The following GEMIN5 variants were observed in gnomAD, a reference collection of about 807,000 sequenced individuals.
GEMIN5 encodes gem-associated protein 5.
Under a neutral mutation model 176.9 loss-of-function variants are expected in GEMIN5, and 124 were observed. The ratio of observed to expected loss-of-function variants is 0.70; its 90% CI spans 0.61 to 0.81. The LOEUF is 0.81. Ranked by LOEUF, GEMIN5 falls within the 40% of genes least tolerant of loss-of-function variation. The pLI is 0.00. For synonymous variants in GEMIN5, 673 were observed against 665.2 expected, an observed-to-expected ratio of 1.01 and a Z score of -0.18; for missense variants, 1,843 against 1,814.6, an observed-to-expected ratio of 1.02 and a Z score of -0.28.
intron 5 of GEMIN5, among the ~76,000 whole-genome samples, chr5:154,930,502 T>C (rs1475254204): frequency 3.3e-5 from 5 of 152,234 alleles, no homozygotes; most frequent in African/African-American, 1.2e-4. Context: ...TGGAATATTA[T>C]TCAGCCTTAG....
At chr5:154,893,316 G>A (rs1401124888) in intron 24 of GEMIN5, among the ~76,000 whole-genome samples, 1 of 145,442 alleles carries the variant, frequency 6.9e-6, no homozygotes, top group African/African-American at 2.6e-5. Context: ...TGTAATCCCA[G>A]CTACTTGGGA....
rs1232905688 is a variant in GEMIN5, at chr5:154,896,313, G to C, written c.3376C>G (p.Leu1126Val). The C allele has an allele frequency of 6.3e-7, 1 of 1,593,902 alleles. No homozygotes were observed. Among genetic ancestry groups the C allele is most frequent in the Non-Finnish European group, 8.5e-7 (1 of 1,171,636 alleles). ...TTTTCCTCCAGATGCCTGGACAGTAGCTCCAGAAGGCAAAACACCAATCTC... is the reference window on the plus strand; with the variant it reads ...TTTTCCTCCAGATGCCTGGACAGTACCTCCAGAAGGCAAAACACCAATCTC... ...GQRLVFCLLE[L>V]LSRHLEEKQL... Residue 1126 changes from leucine (L) to valine (V), a missense_variant, in exon 24 of 28, where the codon CTA becomes GTA. Physicochemically the swap from Leu to Val is conservative, Grantham distance 32. Transcript: ENST00000285873.
intron 11 of GEMIN5, among the ~76,000 whole-genome samples, chr5:154,918,911 C>T (rs376503069): frequency 1.9e-4 from 29 of 151,650 alleles, no homozygotes; most frequent in South Asian, 1.7e-3. Flanking sequence ...AGTCTTGGCA[C>T]GTGCCTGTAA....
rs1240329827 is a variant in GEMIN5 at position 154,892,535 on chromosome 5, A to C, written c.3612T>G (p.Ile1204Met). The C allele has an allele frequency of 6.2e-7, 1 of 1,613,884 alleles. No individual in the cohort carries two copies. The highest frequency in any genetic ancestry group is 8.5e-7 in the Non-Finnish European group (1 of 1,179,944). ...NTPAKQLLLH[I>M]CHDLTLAVLS... Reference sequence around the variant, plus strand: ...GCACTGCCAGGGTCAAGTCATGGCAAATGTGAAGCAGGAGCTGGAGAGAGA... The same window carrying C: ...GCACTGCCAGGGTCAAGTCATGGCACATGTGAAGCAGGAGCTGGAGAGAGA... The change falls in exon 25 of 28, where the codon ATT becomes ATG. Residue 1204 changes from isoleucine to methionine, a missense_variant. Ile to Met is a conservative substitution (Grantham distance 10). Transcript: ENST00000285873.
chr5:154,918,233 T>C (rs1235928513), intron 11 of GEMIN5, among the ~76,000 whole-genome samples: 1 of 152,180 alleles, frequency 6.6e-6, no homozygotes, highest in Non-Finnish European at 1.5e-5. Context: ...GGCCAATAAG[T>C]ACTAAATGTT....
chr5:154,905,289 A>C (rs1360299959), intron 17 of GEMIN5, 74 bp downstream of exon 17: 1 of 641,476 alleles, frequency 1.6e-6, no homozygotes, highest in Non-Finnish European at 2.7e-6. Context: ...CTGTTTTTTG[A>C]CAGTTGCGTG....
In GEMIN5 at chr5:154,921,424, G is replaced by A. The variant is rs1160188740; in HGVS notation, c.1381C>T (p.Pro461Ser). 2 of 1,375,756 alleles carry A rather than the reference G, an allele frequency of 1.5e-6. No homozygotes were observed. The highest frequency in any genetic ancestry group is 1.5e-5 in the African/African-American group (1 of 67,962). 85.2% of individuals were successfully genotyped at this position (1,375,756 alleles called of 1,614,324 possible). A position where few individuals can be genotyped will look rare whatever the true frequency, so the allele number is the denominator to read the frequency against. Residue 461 changes from proline (P) to serine (S), a missense_variant and splice_region_variant, in exon 10 of 28, where the codon CCT becomes TCT. Physicochemically the swap from Pro to Ser is moderately conservative, Grantham distance 74. Transcript: ENST00000285873. ...TGATATGTGCTAGAAATCTGTGGAG[G>A]CCTTTAGAAGAGCAGGGAGAGAGAA... ...VGLYDTYSNK[P>S]PQISSTYHKK...
intron 12 of GEMIN5, 105 bp from the exon 13 acceptor site, chr5:154,917,284 G>GA (rs1310819111): frequency 4.2e-5 from 23 of 541,684 alleles, no homozygotes; most frequent in African/African-American, 3.8e-4. Flanking sequence ...AGATGAGGTG[G>GA]AAAAGGATAA....
intron 24 of GEMIN5, among the ~76,000 whole-genome samples, chr5:154,895,130 A>C (rs900184548): frequency 1.3e-5 from 2 of 152,138 alleles, no homozygotes; most frequent in Admixed American, 6.5e-5. Context: ...GAAACTGTCC[A>C]ATTGTTTTTC....
At chr5:154,895,762 G>A (rs575028389) in intron 24 of GEMIN5, among the ~76,000 whole-genome samples, 270 of 152,112 alleles carry the variant, frequency 1.8e-3, no homozygotes, top group African/African-American at 5.7e-3. Flanking sequence ...GGTGGCGCAC[G>A]CCTGTAATCA....
At chr5:154,892,974 G>A (rs1447700128) in intron 24 of GEMIN5, among the ~76,000 whole-genome samples, 1 of 152,132 alleles carries the variant, frequency 6.6e-6, no homozygotes, top group Non-Finnish European at 1.5e-5. Context: ...GCGCGTGCCT[G>A]TAGTCCCAGC....
intron 15 of GEMIN5, among the ~76,000 whole-genome samples, chr5:154,908,942 T>G (rs765826110): frequency 1.3e-5 from 2 of 152,008 alleles, no homozygotes; most frequent in African/African-American, 2.4e-5. Flanking sequence ...TGCCAAATGG[T>G]GAGTTTGTTT....
intron 16 of GEMIN5, 28 bp from the exon 17 acceptor site, chr5:154,905,504 A>G: frequency 2.7e-6 from 3 of 1,094,518 alleles, no homozygotes; most frequent in Non-Finnish European, 4.1e-6. Flanking sequence ...AAGGAAAAAA[A>G]AAGTTAAGGA....
chr5:154,907,505 C>T (rs1186685670), intron 16 of GEMIN5, 86 bp downstream of exon 16: 20 of 854,264 alleles, frequency 2.3e-5, no homozygotes, highest in East Asian at 2.1e-4. Context: ...ATGGGAACAG[C>T]GAAGTTTCAA....
In GEMIN5 at chr5:154,937,879, C is replaced by G. The variant is rs1371069128; in HGVS notation, c.166+89G>C. 3 of 1,182,512 alleles carry G rather than the reference C, an allele frequency of 2.5e-6. No homozygotes were observed. In the South Asian group the frequency reaches 5.4e-5, roughly 21 times the overall value. The allele number at this position is 1,182,512 out of a possible 1,614,324, so 73.3% of individuals were successfully genotyped here. A position where few individuals can be genotyped will look rare whatever the true frequency, so the allele number is the denominator to read the frequency against. ...CCAGCCTGGGCCTCAGTTTCCCTAG[C>G]TGTAGAAAACGGGGTGGAGTCGTCC... On this transcript the variant is annotated intron_variant, in intron 1 of 27. Transcript: ENST00000285873.
At chr5:154,913,078 A>C (rs771602468) in intron 13 of GEMIN5, 40 bp from the exon 14 acceptor site, 6 of 1,543,010 alleles carry the variant, frequency 3.9e-6, no homozygotes, top group Admixed American at 3.9e-5. Context: ...GCTACTACTA[A>C]TAACAAAAAA....
At chr5:154,893,672 A>G (rs557600560) in intron 24 of GEMIN5, among the ~76,000 whole-genome samples, 2 of 152,336 alleles carry the variant, frequency 1.3e-5, no homozygotes, top group African/African-American at 4.8e-5. Context: ...TCTAGAATTC[A>G]TATAAATGGA....
intron 10 of GEMIN5, among the ~76,000 whole-genome samples, chr5:154,921,066 A>G (rs1385396974): frequency 6.6e-6 from 1 of 152,236 alleles, no homozygotes; most frequent in Non-Finnish European, 1.5e-5. Context: ...ATCAGGACCC[A>G]GCATGATAAC....
intron 15 of GEMIN5, among the ~76,000 whole-genome samples, chr5:154,909,131 G>GTC (rs1356688027): frequency 1.6e-5 from 1 of 60,994 alleles, no homozygotes; most frequent in Admixed American, 1.8e-4. Context: ...GGTAATTTTT[G>GTC]TATTTTTTTT....
Sources: gnomAD v4.1 joint callset for allele counts (sites outside exome capture counted in the v4.1 genomes callset) on GRCh38, gnomAD v4.1.1 for gene constraint, MANE v1.5 for transcripts, NCBI Gene and HGNC (gene_info 2026-07-23, HGNC 2026-07-21) for gene names.